The following SLC24A3 variants were observed in gnomAD, a reference collection of about 807,000 sequenced individuals.
SLC24A3 encodes the protein solute carrier family 24 member 3.
Under a neutral mutation model 75.8 loss-of-function variants are expected in SLC24A3, and 28 were observed. The ratio of observed to expected loss-of-function variants is 0.37; its 90% CI spans 0.27 to 0.51. SLC24A3 has a LOEUF of 0.51. SLC24A3 is among the 20% of genes least tolerant of loss of function. SLC24A3 has a pLI of 0.94. For missense variants in SLC24A3, 663 were observed against 847.8 expected, an observed-to-expected ratio of 0.78 and a Z score of 2.71; for synonymous variants, 372 against 334.1, an observed-to-expected ratio of 1.11 and a Z score of -1.24.
intron 6 of SLC24A3, among the ~76,000 whole-genome samples, chr20:19,642,254 T>C (rs929631887): frequency 6.6e-6 from 1 of 152,218 alleles, no homozygotes; most frequent in Admixed American, 6.5e-5. Context: ...GAGATAAGAT[T>C]CTATAGCTAT....
At chr20:19,460,448 CA>C (rs11477718) in intron 2 of SLC24A3, among the ~76,000 whole-genome samples, 72,047 of 151,600 alleles carry the variant, frequency 0.48, 18,609 homozygotes, top group Non-Finnish European at 0.58. Context: ...AGGATTCTCT[CA>C]CAGCTGAGTC....
intron 3 of SLC24A3, among the ~76,000 whole-genome samples, chr20:19,575,566 C>T (rs1356477942): frequency 6.6e-6 from 1 of 152,196 alleles, no homozygotes; most frequent in Non-Finnish European, 1.5e-5. Context: ...GAGACTAAAG[C>T]TGAAATTCCA....
chr20:19,614,456 T>G (rs1479465033), intron 6 of SLC24A3, among the ~76,000 whole-genome samples: 1 of 152,244 alleles, frequency 6.6e-6, no homozygotes, highest in African/African-American at 2.4e-5. Flanking sequence ...TCCTGGAAGC[T>G]GTCCCTTAGT....
intron 2 of SLC24A3, among the ~76,000 whole-genome samples, chr20:19,510,948 A>G (rs1159074357): frequency 1.3e-5 from 2 of 152,180 alleles, no homozygotes; most frequent in African/African-American, 4.8e-5. Flanking sequence ...TGGCCCCAGA[A>G]GCATGCTTGG....
chr20:19,551,817 C>A (rs1297743153), intron 3 of SLC24A3, among the ~76,000 whole-genome samples: 71 of 152,198 alleles, frequency 4.7e-4, no homozygotes, highest in Admixed American at 4.4e-3. Flanking sequence ...TACTTTCATC[C>A]TCCTTCCCTC....
At chr20:19,408,513 C>T (rs1986690753) in intron 2 of SLC24A3, among the ~76,000 whole-genome samples, 2 of 152,026 alleles carry the variant, frequency 1.3e-5, no homozygotes, top group Admixed American at 1.3e-4. Context: ...CCTCAGCCTC[C>T]CAAATAGCTG....
intron 2 of SLC24A3, among the ~76,000 whole-genome samples, chr20:19,444,616 T>A (rs1248581056): frequency 1.3e-5 from 2 of 152,072 alleles, no homozygotes; most frequent in African/African-American, 4.8e-5. Flanking sequence ...GTATAGGTTG[T>A]CATAATAGTC....
At chr20:19,232,178 A>C (rs1370000404) in intron 1 of SLC24A3, among the ~76,000 whole-genome samples, 3 of 152,132 alleles carry the variant, frequency 2.0e-5, no homozygotes, top group Non-Finnish European at 4.4e-5. Context: ...CAAAATATTT[A>C]TTTTCAGTGT....
At chr20:19,706,608 G>A (rs375568163) in intron 15 of SLC24A3, among the ~76,000 whole-genome samples, 1 of 152,042 alleles carries the variant, frequency 6.6e-6, no homozygotes, top group East Asian at 1.9e-4. Flanking sequence ...GTATGGGAGG[G>A]GTGAGGAGTT....
chr20:19,351,910 A>G (rs1258606061), intron 2 of SLC24A3, among the ~76,000 whole-genome samples: 1 of 152,168 alleles, frequency 6.6e-6, no homozygotes, highest in Non-Finnish European at 1.5e-5. Flanking sequence ...TGCATTGTGA[A>G]GGAAATGGTG....
chr20:19,370,758 A>G (rs1985978500), intron 2 of SLC24A3, among the ~76,000 whole-genome samples: 3 of 152,190 alleles, frequency 2.0e-5, no homozygotes, highest in South Asian at 2.1e-4. Flanking sequence ...AGGTCTTTCA[A>G]CTGAGGACTA....
Position 19,665,831 on chromosome 20 carries a change from GT to G in SLC24A3, c.688-32del. The G allele has an allele frequency of 8.5e-6, 12 of 1,404,780 alleles. No homozygotes were observed. In the South Asian group the frequency reaches 1.5e-4, roughly 18 times the overall value. 87.0% of individuals were successfully genotyped at this position (1,404,780 alleles called of 1,614,324 possible). On this transcript the variant is annotated intron_variant, in intron 7 of 16. Transcript: ENST00000328041. Reference sequence around the variant, plus strand: ...TGTGTGTGTGTGTGTGTGTGTGTGTGTCTAATCTTCTATTCTTTTTATTTTT... The same window carrying G: ...TGTGTGTGTGTGTGTGTGTGTGTGTGCTAATCTTCTATTCTTTTTATTTTT...
chr20:19,672,781 C>A (rs1600332449), intron 8 of SLC24A3, among the ~76,000 whole-genome samples: 1 of 152,272 alleles, frequency 6.6e-6, no homozygotes, highest in East Asian at 1.9e-4. Context: ...GTATCCTTTT[C>A]ACATTTGACC....
chr20:19,595,794 G>A (rs968963764), intron 6 of SLC24A3, among the ~76,000 whole-genome samples: 3 of 152,196 alleles, frequency 2.0e-5, no homozygotes, highest in Non-Finnish European at 4.4e-5. Context: ...TGGGCAATGG[G>A]ATGGGTGGTG....
intron 3 of SLC24A3, among the ~76,000 whole-genome samples, chr20:19,536,516 G>A (rs951937765): frequency 2.0e-5 from 3 of 152,032 alleles, no homozygotes; most frequent in Non-Finnish European, 4.4e-5. Context: ...ACAGAATTGG[G>A]AAAAACTACT....
rs763202800 is a variant in SLC24A3, at chr20:19,682,009, T to C, written c.901+18T>C. 3 of 1,612,700 alleles carry C rather than the reference T, an allele frequency of 1.9e-6. No individual in the cohort carries two copies. The highest frequency in any genetic ancestry group is 2.5e-6 in the Non-Finnish European group (3 of 1,179,600). On this transcript the variant is annotated intron_variant, in intron 10 of 16. Transcript: ENST00000328041. ...TAAGAAAGGTAACCAAGGAGAGCACTTTGGGGTCCAAGGCAGGAGGATCAA... is the reference window on the plus strand; with the variant it reads ...TAAGAAAGGTAACCAAGGAGAGCACCTTGGGGTCCAAGGCAGGAGGATCAA...
intron 3 of SLC24A3, among the ~76,000 whole-genome samples, chr20:19,518,898 G>C (rs1186936879): frequency 1.3e-5 from 2 of 152,222 alleles, no homozygotes; most frequent in Non-Finnish European, 2.9e-5. Context: ...GGAATATCCA[G>C]AAGGGAATGT....
At chr20:19,439,314 C>G (rs907574260) in intron 2 of SLC24A3, among the ~76,000 whole-genome samples, 2 of 152,198 alleles carry the variant, frequency 1.3e-5, no homozygotes, top group African/African-American at 4.8e-5. Flanking sequence ...TTTGTAGGAA[C>G]ATGGCACCAA....
intron 3 of SLC24A3, among the ~76,000 whole-genome samples, chr20:19,562,055 A>G (rs2030882251): frequency 6.6e-6 from 1 of 152,152 alleles, no homozygotes; most frequent in Admixed American, 6.5e-5. Context: ...TATTTCTCTC[A>G]TGCTTCAGCA....
Sources: gnomAD v4.1 joint callset for allele counts (sites outside exome capture counted in the v4.1 genomes callset) on GRCh38, gnomAD v4.1.1 for gene constraint, MANE v1.5 for transcripts, NCBI Gene and HGNC (gene_info 2026-07-23, HGNC 2026-07-21) for gene names.